The following CLCNKA variants were observed in gnomAD, a reference collection of about 807,000 sequenced individuals.
CLCNKA encodes the protein chloride channel protein ClC-Ka.
In CLCNKA, 66 loss-of-function variants were observed where a neutral mutation model predicts 83.3. The ratio of observed to expected loss-of-function variants is 0.79; its 90% CI spans 0.65 to 0.97. The LOEUF is 0.97. Among genes scored for constraint, CLCNKA ranks in the 50% least tolerant of loss-of-function variants. The probability of loss-of-function intolerance (pLI) is 0.00; values close to 1 mark genes in which losing one functional copy is unlikely to be tolerated. For synonymous variants in CLCNKA, 357 were observed against 370.4 expected (o/e 0.96, Z 0.42); for missense variants, 806 against 888.7 (o/e 0.91, Z 1.18).
At position 16,027,393 on chromosome 1, in the gene CLCNKA, G is replaced by A; in HGVS notation, c.739G>A (p.Ala247Thr). Residue 247 changes from alanine (A) to threonine (T), a missense_variant, in exon 8 of 20, where the codon GCC becomes ACC. Ala to Thr is a moderately conservative substitution (Grantham distance 58, BLOSUM62 0). Transcript: ENST00000331433. ...WRGFFAATCG[A>T]FIFRLLAVFN... Reference sequence around the variant, plus strand: ...GGGCTTCTTTGCGGCCACCTGCGGGGCCTTCATATTCCGGCTCCTGGCAGT... The same window carrying A: ...GGGCTTCTTTGCGGCCACCTGCGGGACCTTCATATTCCGGCTCCTGGCAGT... 9.9e-6 allele frequency: 16 copies of A among 1,614,080 alleles called. No individual in the cohort carries two copies. Among genetic ancestry groups the A allele is most frequent in the Non-Finnish European group, 1.4e-5 (16 of 1,179,998 alleles).
At chr1:16,026,951 T>G in intron 7 of CLCNKA, 176 bp downstream of exon 7, 1 of 822,150 alleles carries the variant, frequency 1.2e-6, no homozygotes, top group Non-Finnish European at 2.0e-6. Flanking sequence ...GGCGGGTGGT[T>G]GGGGGCGTGG....
chr1:16,033,399 C>T (rs1052066561), intron 19 of CLCNKA, 143 bp downstream of exon 19: 192 of 1,124,396 alleles, frequency 1.7e-4, no homozygotes, highest in Non-Finnish European at 2.4e-4. Context: ...CTTTCTGGCC[C>T]AGATTGGCCA....
At position 16,032,311 on chromosome 1, in the gene CLCNKA, G is replaced by A. The variant is rs766920662; in HGVS notation, c.1845+20G>A. On this transcript the variant is annotated intron_variant, in intron 17 of 19. Coordinates refer to ENST00000331433, the MANE Select transcript of CLCNKA (RefSeq NM_004070.4). ...CACCAGGTGGTTACTCCTGAGGGGC[G>A]TGGGGATGGGGCGGGGGTGGGTCAG... 49 of 1,535,918 alleles carry A rather than the reference G, an allele frequency of 3.2e-5. No individual in the cohort carries two copies. The highest frequency in any genetic ancestry group is 8.2e-5 in the African/African-American group (6 of 73,578).
In CLCNKA at chr1:16,029,976, G is replaced by C. The variant is rs768997194; in HGVS notation, c.1309G>C (p.Gly437Arg). 1 of 1,611,428 alleles carries C rather than the reference G, an allele frequency of 6.2e-7. No individual in the cohort carries two copies. The highest frequency in any genetic ancestry group is 8.5e-7 in the Non-Finnish European group (1 of 1,177,894). The change falls in exon 14 of 20, where the codon GGG becomes CGG. Residue 437 changes from glycine to arginine, a missense_variant. Physicochemically the swap from Gly to Arg is moderately radical, Grantham distance 125. Coordinates refer to ENST00000331433, the MANE Select transcript of CLCNKA (RefSeq NM_004070.4). The stretch of plus-strand genomic sequence containing the variant: ...AAGTCTGTGGCCAGGAGCTGCCATC[G>C]GGCGCCTCTTGGGAGAGGCTCTTGC... The part of the protein sequence containing the change: ...MPIFILGAAI[G>R]RLLGEALAVA...
chr1:16,033,107 T>A, intron 18 of CLCNKA, 63 bp from the exon 19 acceptor site: 1 of 1,538,778 alleles, frequency 6.5e-7, no homozygotes, highest in Non-Finnish European at 9.0e-7. Flanking sequence ...CGTGGCAGAG[T>A]GGGCCAGAGG....
intron 16 of CLCNKA, 90 bp from the exon 17 acceptor site, chr1:16,032,113 T>C: frequency 7.5e-7 from 1 of 1,324,758 alleles, no homozygotes; most frequent in Non-Finnish European, 1.1e-6. Context: ...GGTAGGAGCA[T>C]GGGGACACCA....
At chr1:16,028,499 C>A (rs2022475728) in intron 10 of CLCNKA, 6 of 648,152 alleles carry the variant, frequency 9.3e-6, no homozygotes, top group Non-Finnish European at 1.7e-5. Context: ...CCCTCCTAGC[C>A]TGCCTCTGCC....
intron 3 of CLCNKA, 97 bp downstream of exon 3, chr1:16,024,025 G>T: frequency 1.3e-6 from 2 of 1,482,148 alleles, no homozygotes; most frequent in Non-Finnish European, 1.9e-6. Context: ...TGCAGGGACG[G>T]ACCTGGGTGC....
chr1:16,028,139 C>G lies in CLCNKA; in HGVS notation c.968+20C>G, dbSNP rs1289193771. On this transcript the variant is annotated intron_variant, in intron 10 of 19. Transcript: ENST00000331433. ...TACTAGGTAGGCTCTGGGCTAGGGG[C>G]TGGGGACATCTCAGTGAGTCCCTTG... The G allele has an allele frequency of 6.2e-7, 1 of 1,607,104 alleles. No individual in the cohort carries two copies. Among genetic ancestry groups the G allele is most frequent in the African/African-American group, 1.3e-5 (1 of 74,186 alleles).
At chr1:16,033,533 G>A in intron 19 of CLCNKA, 78 bp from the exon 20 acceptor site, 3 of 1,198,874 alleles carry the variant, frequency 2.5e-6, no homozygotes, top group Non-Finnish European at 3.7e-6. Flanking sequence ...ATGAACCTTA[G>A]GGGACTAAAA....
chr1:16,028,295 G>A (rs1324588578), intron 10 of CLCNKA, among the ~76,000 whole-genome samples, 176 bp downstream of exon 10: 3 of 147,146 alleles, frequency 2.0e-5, no homozygotes, highest in Non-Finnish European at 4.5e-5. Context: ...TTCCTTACTG[G>A]GCTACGAACC....
intron 2 of CLCNKA, 30 bp downstream of exon 2, chr1:16,022,749 G>A (rs375055144): frequency 6.2e-6 from 9 of 1,442,684 alleles, no homozygotes; most frequent in Admixed American, 2.2e-5. Flanking sequence ...CCCTACCCGC[G>A]GGGGACCACT....
Position 16,028,536 on chromosome 1 carries a change from G to A in CLCNKA, c.969-225G>A. On this transcript the variant is annotated intron_variant, in intron 10 of 19. Coordinates refer to ENST00000331433, the MANE Select transcript of CLCNKA (RefSeq NM_004070.4). The stretch of plus-strand genomic sequence containing the variant: ...CAATTCTCCTCTCAATCTCCTGCGT[G>A]ATTCCTCTGCCCTCAGTCATACCCA... 4.4e-6 allele frequency: 3 copies of A among 683,224 alleles called. No homozygotes were observed. In the Admixed American group the frequency reaches 6.1e-5, roughly 14 times the overall value. 42.3% of individuals were successfully genotyped at this position (683,224 alleles called of 1,614,324 possible).
chr1:16,033,397 C>T (rs2022716203), intron 19 of CLCNKA, 141 bp downstream of exon 19: 1 of 1,121,118 alleles, frequency 8.9e-7, no homozygotes, highest in South Asian at 1.4e-5. Context: ...CTCTTTCTGG[C>T]CCAGATTGGC....
chr1:16,026,463 G>C, intron 5 of CLCNKA, 73 bp from the exon 6 acceptor site: 1 of 1,595,132 alleles, frequency 6.3e-7, no homozygotes, highest in Non-Finnish European at 8.6e-7. Flanking sequence ...AGGGGGTGTG[G>C]TGGGGAAGCC....
In CLCNKA at chr1:16,032,218, T is replaced by A; in HGVS notation, c.1772T>A (p.Val591Glu). The A allele has an allele frequency of 6.2e-7, 1 of 1,612,560 alleles. No homozygotes were observed. The highest frequency in any genetic ancestry group is 8.5e-7 in the Non-Finnish European group (1 of 1,179,876). ...LVESTESQILVGIVQRAQLVQ... is the reference protein window; with the variant it reads ...LVESTESQILEGIVQRAQLVQ... Reference sequence around the variant, plus strand: ...TACTTGCCAGAGTCCCAGATCCTGGTAGGCATCGTGCAGAGGGCCCAGCTG... The same window carrying A: ...TACTTGCCAGAGTCCCAGATCCTGGAAGGCATCGTGCAGAGGGCCCAGCTG... The change falls in exon 17 of 20, where the codon GTA (valine) becomes GAA (glutamate). Residue 591 changes from valine (V) to glutamate (E), a missense_variant. By Grantham distance (121) the Val-to-Glu change is moderately radical. Transcript: ENST00000331433.
intron 12 of CLCNKA, 120 bp downstream of exon 12, chr1:16,029,419 G>A (rs1260681338): frequency 6.8e-7 from 1 of 1,470,362 alleles, no homozygotes; most frequent in African/African-American, 1.4e-5. Flanking sequence ...ACTTCCTTCT[G>A]TGCCCCCTGC....
At chr1:16,029,925 G>A (rs368196881) in intron 13 of CLCNKA, 40 bp from the exon 14 acceptor site, 338 of 1,594,898 alleles carry the variant, frequency 2.1e-4, no homozygotes, top group Middle Eastern at 6.6e-4. Flanking sequence ...TGTGGGGGCC[G>A]GGTCAGCCTG....
At chr1:16,023,199 C>T (rs1159633266) in intron 2 of CLCNKA, among the ~76,000 whole-genome samples, 1 of 152,234 alleles carries the variant, frequency 6.6e-6, no homozygotes, top group Admixed American at 6.5e-5. Flanking sequence ...CTGGTGCCCA[C>T]AGCCAGTGAG....
Sources: allele counts gnomAD v4.1 joint callset (sites outside exome capture counted in the v4.1 genomes callset), GRCh38; gene constraint gnomAD v4.1.1; transcripts MANE v1.5; gene names NCBI Gene and HGNC (gene_info 2026-07-23, HGNC 2026-07-21).